The following PCDHA12 variants were observed in gnomAD, a reference collection of about 807,000 sequenced individuals.
PCDHA12 encodes the protein protocadherin alpha-12.
A neutral mutation model predicts 60.0 loss-of-function variants in PCDHA12; 44 were observed. The observed-to-expected ratio is 0.73, with a 90% CI of 0.58 to 0.94. PCDHA12 has a LOEUF of 0.94. PCDHA12 is among the 40% of genes least tolerant of loss of function. The probability of loss-of-function intolerance (pLI) is 0.00; values close to 1 mark genes in which losing one functional copy is unlikely to be tolerated. For synonymous variants in PCDHA12, 569 were observed against 553.0 expected, an observed-to-expected ratio of 1.03 and a Z score of -0.40; for missense variants, 1,276 against 1,239.7, an observed-to-expected ratio of 1.03 and a Z score of -0.44.
intron 1 of PCDHA12, among the ~76,000 whole-genome samples, chr5:140,940,100 C>T (rs536415343): frequency 6.6e-6 from 1 of 152,094 alleles, no homozygotes; most frequent in South Asian, 2.1e-4. Flanking sequence ...AAACTTTTAG[C>T]GTTATGTATT....
At chr5:140,987,451 T>G (rs1481665271) in intron 3 of PCDHA12, among the ~76,000 whole-genome samples, 2 of 152,108 alleles carry the variant, frequency 1.3e-5, no homozygotes, top group African/African-American at 4.8e-5. Flanking sequence ...GCCCGAGAGA[T>G]AATTGTTAAG....
chr5:140,977,974 A>G (rs2096783738), intron 1 of PCDHA12, among the ~76,000 whole-genome samples: 1 of 152,182 alleles, frequency 6.6e-6, no homozygotes, highest in African/African-American at 2.4e-5. Context: ...CCGCCCATGA[A>G]AACGCATCTA....
At chr5:140,883,126 G>T (rs781992873) in intron 1 of PCDHA12, 1 of 1,614,036 alleles carries the variant, frequency 6.2e-7, no homozygotes, top group Non-Finnish European at 8.5e-7. Context: ...GGCCTGTATG[G>T]CCTGCAGTGG....
chr5:140,945,001 G>GT (rs2093723326), intron 1 of PCDHA12, among the ~76,000 whole-genome samples: 1 of 151,990 alleles, frequency 6.6e-6, no homozygotes, highest in South Asian at 2.1e-4. Context: ...ACGGTTGTGG[G>GT]TCATGAATTA....
At chr5:140,926,693 C>T (rs576013331) in intron 1 of PCDHA12, 12 of 742,944 alleles carry the variant, frequency 1.6e-5, no homozygotes, top group African/African-American at 9.2e-5. Context: ...CTAGCAAGCC[C>T]GGCTCCCAGC....
At chr5:140,961,984 C>T (rs1037951528) in intron 1 of PCDHA12, among the ~76,000 whole-genome samples, 69 of 151,884 alleles carry the variant, frequency 4.5e-4, no homozygotes, top group African/African-American at 1.5e-3. Context: ...CCTGGGTTCA[C>T]GCCATTGTCC....
intron 1 of PCDHA12, among the ~76,000 whole-genome samples, chr5:140,893,065 A>G (rs2063802609): frequency 6.6e-6 from 1 of 152,226 alleles, no homozygotes; most frequent in South Asian, 2.1e-4. Context: ...TACTGCCATG[A>G]ATAACAGGAT....
intron 1 of PCDHA12, among the ~76,000 whole-genome samples, chr5:140,894,577 T>A (rs1409232453): frequency 4.6e-5 from 7 of 152,030 alleles, no homozygotes; most frequent in African/African-American, 9.6e-5. Flanking sequence ...TCCTTTTTTT[T>A]AATATTTTAC....
Position 140,884,301 on chromosome 5 carries a change from C to T in PCDHA12, c.2367+6462C>T, listed in dbSNP as rs375535055. On this transcript the variant is annotated intron_variant, in intron 1 of 3. Transcript: ENST00000398631. ...GTGGAGAGCGGCCAAGCGCCACAGG[C>T]TTCGTCGAGGGCGTCGGCAGGCGCT... 4.3e-6 allele frequency: 7 copies of T among 1,613,608 alleles called. No homozygotes were observed. The African/African-American group carries it at 8.0e-5, about 18-fold the overall frequency.
At position 140,877,798 on chromosome 5, in the gene PCDHA12, C is replaced by T; in HGVS notation, c.2326C>T (p.Leu776Phe). Residue 776 changes from leucine to phenylalanine, a missense_variant, in exon 1 of 4, where the codon CTT (leucine) becomes TTT (phenylalanine). Transcript: ENST00000398631. ...KTDLMAFSPS[L>F]QLSREDCLNP... ...GGACCTCATGGCCTTCAGCCCAAGC[C>T]TTCAGCTGTCTCGAGAAGATTGTTT... 1.2e-6 allele frequency: 2 copies of T among 1,613,568 alleles called. No individual in the cohort carries two copies.
At chr5:140,960,841 T>C (rs1554225062) in intron 1 of PCDHA12, among the ~76,000 whole-genome samples, 1 of 152,222 alleles carries the variant, frequency 6.6e-6, no homozygotes, top group African/African-American at 2.4e-5. Context: ...GGAACAGGTT[T>C]AATGGCAACT....
intron 1 of PCDHA12, among the ~76,000 whole-genome samples, chr5:140,916,911 GA>G (rs2077779129): frequency 1.3e-5 from 2 of 152,178 alleles, no homozygotes; most frequent in Admixed American, 1.3e-4. Context: ...AGTTTACCTA[GA>G]ACCTCAGAGC....
At position 140,884,044 on chromosome 5, in the gene PCDHA12, G is replaced by T. The variant is rs374333847; in HGVS notation, c.2367+6205G>T. On this transcript the variant is annotated intron_variant, in intron 1 of 3. Coordinates refer to ENST00000398631, the MANE Select transcript of PCDHA12 (RefSeq NM_018903.4). ...CGGTGGGTGCAGGCCACGTGGTGGC[G>T]AAGGTGCGCGCGGTGGACGCCGATT... 2.5e-6 allele frequency: 4 copies of T among 1,613,476 alleles called. No homozygotes were observed. In the South Asian group the frequency reaches 3.3e-5, roughly 13 times the overall value.
intron 1 of PCDHA12, chr5:140,930,415 G>T (rs2086824319): frequency 6.6e-6 from 1 of 151,804 alleles, no homozygotes; most frequent in African/African-American, 2.4e-5. Flanking sequence ...TGAGACAGGG[G>T]TCTCACTATG....
Position 140,913,476 on chromosome 5 carries a change from T to G in PCDHA12, c.2367+35637T>G, listed in dbSNP as rs191224245. On this transcript the variant is annotated intron_variant, in intron 1 of 3. Transcript: ENST00000398631. ...TTTATTTACTTGGGTCTTCTCTCTT[T>G]TTTTCTTCATTAGTCTGTTTAAAAC... Among the ~76,000 whole-genome samples the G allele has an allele frequency of 5.9e-3, 899 of 152,286 alleles. 12 individuals carry two copies. Among genetic ancestry groups the G allele is most frequent in the African/African-American group, 0.02 (842 of 41,576 alleles).
chr5:140,959,795 T>G (rs2095511248), intron 1 of PCDHA12, among the ~76,000 whole-genome samples: 1 of 152,180 alleles, frequency 6.6e-6, no homozygotes, highest in Non-Finnish European at 1.5e-5. Flanking sequence ...CATGGCTAAT[T>G]TAGAGGATTT....
chr5:140,915,887 TC>T (rs1276492784), intron 1 of PCDHA12, among the ~76,000 whole-genome samples: 1 of 152,078 alleles, frequency 6.6e-6, no homozygotes, highest in African/African-American at 2.4e-5. Context: ...GGTAGCAAGT[TC>T]CCCCTGGCCC....
At chr5:140,886,364 C>T (rs2060956289) in intron 1 of PCDHA12, among the ~76,000 whole-genome samples, 1 of 152,082 alleles carries the variant, frequency 6.6e-6, no homozygotes. Context: ...CATAGGTGTA[C>T]ATGCCATGGT....
Position 140,926,930 on chromosome 5 carries a change from T to A in PCDHA12, c.2367+49091T>A, listed in dbSNP as rs1554203828. On this transcript the variant is annotated intron_variant, in intron 1 of 3. Coordinates refer to ENST00000398631, the MANE Select transcript of PCDHA12 (RefSeq NM_018903.4). ...GGGGTGGCAGTTTTATGTTTGTGGG[T>A]TTCCTGCGGCGCTGCAGCGGGACAG... 6 of 1,575,058 alleles carry A rather than the reference T, an allele frequency of 3.8e-6. No individual in the cohort carries two copies. The East Asian group carries it at 1.4e-4, about 35-fold the overall frequency.
Sources: allele counts gnomAD v4.1 joint callset (sites outside exome capture counted in the v4.1 genomes callset), GRCh38; gene constraint gnomAD v4.1.1; transcripts MANE v1.5; gene names NCBI Gene and HGNC (gene_info 2026-07-23, HGNC 2026-07-21).